TNRC6C: variants seen among roughly 807,000 people sequenced by gnomAD.
The protein encoded by TNRC6C is trinucleotide repeat-containing gene 6C protein.
In TNRC6C, 20 loss-of-function variants were observed where a neutral mutation model predicts 153.7. The ratio of observed to expected loss-of-function variants is 0.13; its 90% CI spans 0.09 to 0.19. The LOEUF (loss-of-function observed/expected upper bound fraction) is 0.19, where lower values mean the gene tolerates loss of function less well. TNRC6C is among the 10% of genes least tolerant of loss of function. The pLI, the probability that TNRC6C is intolerant of heterozygous loss-of-function variation, is 1.00. For synonymous variants in TNRC6C, 811 were observed against 841.4 expected, an observed-to-expected ratio of 0.96 and a Z score of 0.63; for missense variants, 1,987 against 2,172.0, an observed-to-expected ratio of 0.91 and a Z score of 1.69.
At chr17:78,068,793 C>G (rs2072932774) in intron 5 of TNRC6C, among the ~76,000 whole-genome samples, 1 of 151,978 alleles carries the variant, frequency 6.6e-6, no homozygotes, top group South Asian at 2.1e-4. Flanking sequence ...GAGCGAGACT[C>G]CCTCTCAAAA....
chr17:78,016,760 A>G (rs2071736367), intron 1 of TNRC6C, among the ~76,000 whole-genome samples: 3 of 152,162 alleles, frequency 2.0e-5, no homozygotes, highest in Admixed American at 2.0e-4. Context: ...GAGGAGGATT[A>G]TTATACTATA....
intron 17 of TNRC6C, among the ~76,000 whole-genome samples, chr17:78,099,491 G>A (rs1319250130): frequency 1.3e-5 from 2 of 152,146 alleles, no homozygotes; most frequent in African/African-American, 4.8e-5. Flanking sequence ...CAGACAAGAA[G>A]AGAGAGAGAG....
intron 1 of TNRC6C, among the ~76,000 whole-genome samples, chr17:77,988,779 A>G (rs560083610): frequency 1.3e-5 from 2 of 152,342 alleles, no homozygotes; most frequent in African/African-American, 4.8e-5. Context: ...TTAGTGGGGA[A>G]AATAACATTA....
chr17:78,040,450 T>G (rs2072269203), intron 2 of TNRC6C, among the ~76,000 whole-genome samples: 1 of 152,226 alleles, frequency 6.6e-6, no homozygotes, highest in African/African-American at 2.4e-5. Context: ...GTTTGCTACT[T>G]AGATCTTTTT....
At chr17:77,961,492 A>C (rs759931293) in intron 1 of TNRC6C, among the ~76,000 whole-genome samples, 26 of 146,926 alleles carry the variant, frequency 1.8e-4, no homozygotes, top group Non-Finnish European at 2.2e-4. Context: ...AATACGGTTG[A>C]TACTGAGACT....
chr17:78,051,487 A>G, intron 3 of TNRC6C, 39 bp downstream of exon 5: 1 of 1,388,798 alleles, frequency 7.2e-7, no homozygotes, highest in Non-Finnish European at 9.3e-7. Context: ...AAGTAAAAAA[A>G]AAAAAAAAAA....
At chr17:77,977,935 G>T (rs1412560787) in intron 1 of TNRC6C, among the ~76,000 whole-genome samples, 1 of 127,010 alleles carries the variant, frequency 7.9e-6, no homozygotes, top group African/African-American at 3.1e-5. Context: ...TCGCTCTGTC[G>T]TGCAGGCTGG....
exon 20 of TNRC6C, chr17:78,105,168 G>T (rs2073670199): frequency 4.0e-6 from 1 of 252,438 alleles, no homozygotes. Flanking sequence ...ATCATGAAGG[G>T]CACTTTTCAG....
exon 20 of TNRC6C, chr17:78,106,609 CT>C (rs1257838747): frequency 2.0e-5 from 3 of 150,260 alleles, no homozygotes; most frequent in Non-Finnish European, 4.4e-5. Context: ...TACCTAATCT[CT>C]AATGTGTAGC....
intron 1 of TNRC6C, among the ~76,000 whole-genome samples, chr17:78,015,021 A>C (rs901967032): frequency 6.6e-6 from 1 of 152,218 alleles, no homozygotes; most frequent in African/African-American, 2.4e-5. Flanking sequence ...ATCACTGATT[A>C]TGTTGGCACA....
intron 1 of TNRC6C, among the ~76,000 whole-genome samples, chr17:77,974,526 TG>T (rs1754602157): frequency 1.3e-5 from 2 of 151,400 alleles, no homozygotes; most frequent in Admixed American, 1.3e-4. Context: ...GGAGTCTTGC[TG>T]TGTTGCCCAG....
At chr17:77,966,362 C>G (rs1030262597) in intron 1 of TNRC6C, among the ~76,000 whole-genome samples, 1 of 152,138 alleles carries the variant, frequency 6.6e-6, no homozygotes, top group African/African-American at 2.4e-5. Context: ...GGTGTTAAAA[C>G]TGGCTGTTGT....
intron 1 of TNRC6C, among the ~76,000 whole-genome samples, chr17:77,960,908 C>T (rs1366009844): frequency 6.6e-6 from 1 of 151,982 alleles, no homozygotes; most frequent in East Asian, 1.9e-4. Context: ...AGTTTTTTTT[C>T]TACAGAAAGT....
At chr17:78,017,160 T>C (rs2071743534) in intron 1 of TNRC6C, among the ~76,000 whole-genome samples, 1 of 152,210 alleles carries the variant, frequency 6.6e-6, no homozygotes, top group Admixed American at 6.5e-5. Flanking sequence ...TTTCTTAAGC[T>C]GGAGATTGGC....
At chr17:78,077,110 T>C in intron 8 of TNRC6C, 75 bp from the exon 11 acceptor site, 6 of 1,501,982 alleles carry the variant, frequency 4.0e-6, no homozygotes, top group Non-Finnish European at 4.5e-6. Context: ...CCTCCTCTGT[T>C]TCCTTGGGAA....
chr17:77,958,871 T>C (rs1452214120), upstream of TNRC6C, among the ~76,000 whole-genome samples: 2 of 144,240 alleles, frequency 1.4e-5, no homozygotes, highest in East Asian at 4.1e-4. Flanking sequence ...GCCGTCACCG[T>C]CGCAGTAGCC....
At chr17:77,970,358 A>G (rs2144058166) in intron 1 of TNRC6C, among the ~76,000 whole-genome samples, 1 of 152,182 alleles carries the variant, frequency 6.6e-6, no homozygotes, top group South Asian at 2.1e-4. Context: ...CAGTCCTCCC[A>G]CTTCAGCTTC....
Position 78,079,595 on chromosome 17 carries a change from C to G in TNRC6C, c.3357+54C>G. On this transcript the variant is annotated intron_variant, in intron 10 of 19. Transcript: ENST00000301624. This position sits in a 1 kb window ranked among gnomAD's most constrained non-coding sequence, Gnocchi z 4.3. ...CAACAGGATATAGATGCCAGTGTTT[C>G]GTGGGGTCCTGTGTTATCTGGAAGT... 1 of 1,591,966 alleles carries G rather than the reference C, an allele frequency of 6.3e-7. No individual in the cohort carries two copies. The highest frequency in any genetic ancestry group is 8.6e-7 in the Non-Finnish European group (1 of 1,163,700).
At chr17:77,958,877 T>C (rs1192588365), upstream of TNRC6C, among the ~76,000 whole-genome samples, 3 of 144,806 alleles carry the variant, frequency 2.1e-5, no homozygotes, top group East Asian at 4.1e-4. Context: ...ACCGTCGCAG[T>C]AGCCGCGGGC....
Sources: gnomAD v4.1 joint callset for allele counts (sites outside exome capture counted in the v4.1 genomes callset) on GRCh38, gnomAD v4.1.1 for gene constraint, Gnocchi (gnomAD v3.1) non-coding constraint, MANE v1.5 for transcripts, NCBI Gene and HGNC (gene_info 2026-07-23, HGNC 2026-07-21) for gene names.